NXN: variants seen among roughly 807,000 people sequenced by gnomAD.
The protein encoded by NXN is nucleoredoxin 1.
A neutral mutation model predicts 48.6 loss-of-function variants in NXN; 16 were observed. The observed-to-expected ratio is 0.33, with a 90% CI of 0.22 to 0.50. The LOEUF is 0.50. Ranked by LOEUF, NXN falls within the 20% of genes least tolerant of loss-of-function variation. The pLI, the probability that NXN is intolerant of heterozygous loss-of-function variation, is 0.98. For synonymous variants in NXN, 281 were observed against 269.6 expected, an observed-to-expected ratio of 1.04 and a Z score of -0.41; for missense variants, 492 against 605.5, an observed-to-expected ratio of 0.81 and a Z score of 1.97.
At chr17:957,405 G>A (rs1442318784) in intron 1 of NXN, among the ~76,000 whole-genome samples, 4 of 152,026 alleles carry the variant, frequency 2.6e-5, no homozygotes, top group African/African-American at 4.8e-5. Flanking sequence ...AGGCCAAAGC[G>A]GGTGGATCAT....
chr17:967,941 T>C (rs1332512840), intron 1 of NXN, among the ~76,000 whole-genome samples: 1 of 149,668 alleles, frequency 6.7e-6, no homozygotes. Context: ...CACTGTACTC[T>C]AGCCCAGGCG....
intron 5 of NXN, among the ~76,000 whole-genome samples, chr17:811,568 C>T (rs1912011142): frequency 6.6e-6 from 1 of 151,798 alleles, no homozygotes; most frequent in African/African-American, 2.4e-5. Context: ...GGTGGGGGGA[C>T]GCCAAATGCC....
intron 1 of NXN, among the ~76,000 whole-genome samples, chr17:977,737 C>A (rs2069478491): frequency 6.6e-6 from 1 of 152,188 alleles, no homozygotes; most frequent in African/African-American, 2.4e-5. Context: ...TGTTTTTTGG[C>A]AAATCCCTTT....
intron 1 of NXN, among the ~76,000 whole-genome samples, chr17:935,880 G>A (rs1262993502): frequency 6.6e-6 from 1 of 152,178 alleles, no homozygotes; most frequent in South Asian, 2.1e-4. Flanking sequence ...ATCACCTGAG[G>A]TCGGGAGTTT....
intron 1 of NXN, among the ~76,000 whole-genome samples, chr17:957,504 C>T (rs554235206): frequency 1.3e-4 from 20 of 152,068 alleles, no homozygotes; most frequent in East Asian, 5.8e-4. Context: ...TGGTGGTGCA[C>T]GCCTGTAGTC....
chr17:944,523 G>A (rs965460743), intron 1 of NXN, among the ~76,000 whole-genome samples: 1 of 152,228 alleles, frequency 6.6e-6, no homozygotes, highest in Non-Finnish European at 1.5e-5. Context: ...AGATGGCAAA[G>A]GGGCAAATGT....
At chr17:924,030 A>G (rs917873806) in intron 1 of NXN, among the ~76,000 whole-genome samples, 3 of 151,852 alleles carry the variant, frequency 2.0e-5, no homozygotes, top group Non-Finnish European at 2.9e-5. Flanking sequence ...TATGATTCCT[A>G]TATTCTAGTG....
intron 1 of NXN, among the ~76,000 whole-genome samples, chr17:839,073 C>T (rs1047543094): frequency 2.6e-5 from 4 of 152,196 alleles, no homozygotes; most frequent in African/African-American, 7.2e-5. Context: ...AATAACAACA[C>T]TGCTTCGTCC....
At chr17:812,947 TGA>T (rs762918369) in intron 5 of NXN, among the ~76,000 whole-genome samples, 25 of 151,090 alleles carry the variant, frequency 1.7e-4, no homozygotes, top group Admixed American at 4.6e-4. Flanking sequence ...TGCATATGTG[TGA>T]GTGTAGGTGT....
intron 1 of NXN, chr17:896,832 T>G: frequency 8.5e-7 from 1 of 1,179,118 alleles, no homozygotes; most frequent in African/African-American, 1.6e-5. Flanking sequence ...TCGAAGATGC[T>G]AAAATGGACC....
intron 1 of NXN, chr17:863,887 A>G: frequency 7.7e-7 from 1 of 1,295,684 alleles, no homozygotes; most frequent in South Asian, 1.3e-5. Context: ...CACTGCTTAC[A>G]CAGAGCTCTG....
intron 4 of NXN, among the ~76,000 whole-genome samples, chr17:820,204 T>G: frequency 6.6e-6 from 1 of 152,154 alleles, no homozygotes; most frequent in East Asian, 1.9e-4. Flanking sequence ...GCCTTGTCTG[T>G]GATGATGGTG....
chr17:843,064 A>AAAGAAAGAAAG (rs1247377678), intron 1 of NXN, among the ~76,000 whole-genome samples: 2 of 138,132 alleles, frequency 1.4e-5, no homozygotes, highest in East Asian at 2.2e-4. Flanking sequence ...AAGAAGGAAG[A>AAAGAAAGAAAG]AAGCAAGCAA....
At chr17:949,107 G>C (rs868315469) in intron 1 of NXN, among the ~76,000 whole-genome samples, 3 of 6 alleles carry the variant, frequency 0.5, 1 homozygote, top group African/African-American at 0.75. Flanking sequence ...TCCTCTCCCC[G>C]TGGCCTCCTC....
intron 1 of NXN, among the ~76,000 whole-genome samples, chr17:841,642 TG>T (rs1914306213): frequency 1.3e-5 from 1 of 79,852 alleles, no homozygotes. Context: ...AGGTCCACCC[TG>T]ACCACAGCGC....
intron 1 of NXN, among the ~76,000 whole-genome samples, chr17:869,771 G>A (rs972379611): frequency 2.0e-5 from 3 of 152,186 alleles, no homozygotes; most frequent in East Asian, 1.9e-4. Context: ...TCCTCTGCTC[G>A]TTCGTGTTCC....
chr17:819,483 T>C lies in NXN; in HGVS notation c.776A>G (p.Asp259Gly). 6.2e-7 allele frequency: 1 copy of C among 1,614,090 alleles called. No homozygotes were observed. The highest frequency in any genetic ancestry group is 8.5e-7 in the Non-Finnish European group (1 of 1,180,004). ...GTTGAGGCGCGACCGCCGGGCCTCA[T>C]CCGTGTAGGGGACGGCGAGCCAGGG... ...EMPWLAVPYT[D>G]EARRSRLNRL... Residue 259 changes from aspartate to glycine, a missense_variant, in exon 5 of 8, where the codon GAT (aspartate) becomes GGT (glycine). Asp to Gly is a moderately conservative substitution (Grantham distance 94). Around this residue, in one of 3 missense-constraint regions of NXN, gnomAD observed 303 missense variants for 388.3 expected, o/e 0.78. Coordinates refer to ENST00000336868, the MANE Select transcript of NXN (RefSeq NM_022463.5).
Position 818,884 on chromosome 17 carries a change from C to CAAAAAAAAAAAAAAA in NXN, c.820+554_820+555insTTTTTTTTTTTTTTT, listed in dbSNP as rs1229405533. Among the ~76,000 whole-genome samples, 25 of 140,110 alleles carry CAAAAAAAAAAAAAAA rather than the reference C, an allele frequency of 1.8e-4. 1 individual carries two copies. The highest frequency in any genetic ancestry group is 6.3e-4 in the African/African-American group (23 of 36,768). 91.9% of individuals were successfully genotyped at this position (140,110 alleles called of 152,430 possible). On this transcript the variant is annotated intron_variant, in intron 5 of 7. Transcript: ENST00000336868. ...TGGGCAACAGAGTGAGACTCCGTCT[C>CAAAAAAAAAAAAAAA]AAAAAAAAAAAGAAATGCACCATGC... is the stretch of plus-strand genomic sequence containing the variant.
chr17:827,896 G>C (rs1913220322), intron 1 of NXN, among the ~76,000 whole-genome samples: 1 of 152,168 alleles, frequency 6.6e-6, no homozygotes, highest in East Asian at 1.9e-4. Context: ...GAAGCGGTGA[G>C]GGGCAGGGCA....
Sources: allele counts gnomAD v4.1 joint callset (sites outside exome capture counted in the v4.1 genomes callset), GRCh38; gene constraint gnomAD v4.1.1; regional missense constraint gnomAD v4.1.1; transcripts MANE v1.5; gene names NCBI Gene and HGNC (gene_info 2026-07-23, HGNC 2026-07-21).